IL1R1: variants seen among roughly 807,000 people sequenced by gnomAD.
IL1R1 encodes the protein interleukin 1 receptor type 1.
In IL1R1, 22 loss-of-function variants were observed where a neutral mutation model predicts 50.2. The ratio of observed to expected loss-of-function variants is 0.44; its 90% CI spans 0.31 to 0.63. The LOEUF is 0.63. IL1R1 is among the 20% of genes least tolerant of loss of function. The pLI is 0.07. For missense variants in IL1R1, 509 were observed against 676.2 expected, an observed-to-expected ratio of 0.75 and a Z score of 2.74; for synonymous variants, 251 against 236.7, an observed-to-expected ratio of 1.06 and a Z score of -0.55.
intron 1 of IL1R1, among the ~76,000 whole-genome samples, chr2:102,094,571 C>T (rs933493): frequency 0.75 from 114,190 of 152,108 alleles, 43,092 homozygotes; most frequent in Admixed American, 0.8. Flanking sequence ...AACTTTAGTA[C>T]GCTATAACTC....
intron 2 of IL1R1, among the ~76,000 whole-genome samples, chr2:102,154,816 T>C (rs1223249667): frequency 6.6e-6 from 1 of 152,196 alleles, no homozygotes; most frequent in African/African-American, 2.4e-5. Context: ...TCAGCAAACC[T>C]CTGCATGTTG....
intron 1 of IL1R1, among the ~76,000 whole-genome samples, chr2:102,125,327 C>T (rs1361534161): frequency 6.6e-6 from 1 of 152,218 alleles, no homozygotes; most frequent in Non-Finnish European, 1.5e-5. Flanking sequence ...GAAAATTCTT[C>T]ATCATATTTG....
In IL1R1 at chr2:102,177,809, A is replaced by G. The variant is rs890149309; in HGVS notation, c.*1050A>G. On this transcript the variant is annotated 3_prime_UTR_variant, in exon 12 of 12. Coordinates refer to ENST00000410023, the MANE Select transcript of IL1R1 (RefSeq NM_000877.4). ...TACGTCTTTGGAGGAACAGCTCCCT[A>G]GTGGCTTCCTCCGTCTGCAATGTCC... 4 of 152,400 alleles carry G rather than the reference A, an allele frequency of 2.6e-5. No individual in the cohort carries two copies. The highest frequency in any genetic ancestry group is 5.9e-5 in the Non-Finnish European group (4 of 68,136). 9.4% of individuals were successfully genotyped at this position (152,400 alleles called of 1,614,324 possible).
chr2:102,151,549 G>A (rs1253340154), intron 1 of IL1R1, among the ~76,000 whole-genome samples: 1 of 152,186 alleles, frequency 6.6e-6, no homozygotes, highest in African/African-American at 2.4e-5. Flanking sequence ...TGGGAGAGGG[G>A]AGGGTCTGCT....
intron 8 of IL1R1, 118 bp from the exon 9 acceptor site, chr2:102,172,568 AG>A: frequency 1.9e-6 from 2 of 1,066,214 alleles, no homozygotes; most frequent in Non-Finnish European, 2.6e-6. Context: ...GTGATTGGGC[AG>A]GGTGATTATT....
chr2:102,084,050 T>C (rs1402914388), intron 1 of IL1R1, among the ~76,000 whole-genome samples: 2 of 152,104 alleles, frequency 1.3e-5, no homozygotes, highest in African/African-American at 4.8e-5. Flanking sequence ...ATAGCGACTC[T>C]GAATCTCTTG....
At chr2:102,172,656 C>T (rs766152066) in intron 8 of IL1R1, 31 bp from the exon 9 acceptor site, 116 of 1,556,626 alleles carry the variant, frequency 7.5e-5, no homozygotes, top group Non-Finnish European at 9.8e-5. Flanking sequence ...AATTAACTTA[C>T]ACAAGTTTAT....
At position 102,151,900 on chromosome 2, in the gene IL1R1, G is replaced by A. The variant is rs1056788354; in HGVS notation, c.-83-2041G>A. 7.0e-4 allele frequency among the ~76,000 whole-genome samples: 107 copies of A among 152,174 alleles called. 1 individual carries two copies. The highest frequency in any genetic ancestry group is 9.2e-4 in the Admixed American group (14 of 15,282). On this transcript the variant is annotated intron_variant, in intron 1 of 11. Coordinates refer to ENST00000410023, the MANE Select transcript of IL1R1 (RefSeq NM_000877.4). ...ATAAACGGCAAGGTAGGGAGCCAGC[G>A]CTGGACACAGAGCCAGCTGAACAGT...
chr2:102,092,497 C>A lies in IL1R1; in HGVS notation c.-84+21964C>A, dbSNP rs927419817. On this transcript the variant is annotated intron_variant, in intron 1 of 11. Coordinates refer to the IL1R1 transcript ENST00000409929. Reference sequence around the variant, plus strand: ...GTCTTGAAACTCTTATTTTGATATTCATTTCCTGACCAACTATAGAAATCT... The same window carrying A: ...GTCTTGAAACTCTTATTTTGATATTAATTTCCTGACCAACTATAGAAATCT... Among the ~76,000 whole-genome samples, 5 of 152,120 alleles carry A rather than the reference C, an allele frequency of 3.3e-5. 1 individual carries two copies. Among genetic ancestry groups the A allele is most frequent in the African/African-American group, 1.2e-4 (5 of 41,404 alleles).
chr2:102,130,257 C>A (rs1681957404), intron 1 of IL1R1, among the ~76,000 whole-genome samples: 1 of 152,158 alleles, frequency 6.6e-6, no homozygotes, highest in Non-Finnish European at 1.5e-5. Context: ...ATCTCAGGAA[C>A]CTTTGAGAAC....
intron 1 of IL1R1, among the ~76,000 whole-genome samples, chr2:102,113,037 G>A (rs988014206): frequency 2.0e-5 from 3 of 152,186 alleles, no homozygotes; most frequent in African/African-American, 4.8e-5. Flanking sequence ...TGTCAGAACC[G>A]TGATCTTACA....
At chr2:102,163,260 T>G (rs1452573885) in intron 3 of IL1R1, among the ~76,000 whole-genome samples, 1 of 152,212 alleles carries the variant, frequency 6.6e-6, no homozygotes, top group African/African-American at 2.4e-5. Flanking sequence ...CATTGTGATA[T>G]GGGGGCCTAT....
intron 1 of IL1R1, among the ~76,000 whole-genome samples, chr2:102,116,274 G>A (rs1261419549): frequency 6.6e-6 from 1 of 152,176 alleles, no homozygotes; most frequent in African/African-American, 2.4e-5. Flanking sequence ...GTTCCCCCAC[G>A]TAATCTTGGC....
chr2:102,166,408 A>G, intron 6 of IL1R1, 127 bp downstream of exon 6: 1 of 617,330 alleles, frequency 1.6e-6, no homozygotes. Context: ...CACAAAAGTC[A>G]CATGGCTTTA....
chr2:102,083,366 C>T (rs1401695864), intron 1 of IL1R1, among the ~76,000 whole-genome samples: 2 of 152,044 alleles, frequency 1.3e-5, no homozygotes, highest in African/African-American at 4.8e-5. Flanking sequence ...TACCTTCTCC[C>T]CAGATGGATG....
At chr2:102,153,678 T>A (rs1266704545) in intron 1 of IL1R1, among the ~76,000 whole-genome samples, 2 of 152,304 alleles carry the variant, frequency 1.3e-5, no homozygotes, top group Admixed American at 6.5e-5. Context: ...TGTTTGGCAC[T>A]TCCCCCCTTG....
chr2:102,162,306 T>G (rs781203078), intron 3 of IL1R1, among the ~76,000 whole-genome samples: 1 of 152,216 alleles, frequency 6.6e-6, no homozygotes, highest in Non-Finnish European at 1.5e-5. Context: ...GTGTATGTGT[T>G]TATGTTAGGC....
At chr2:102,150,008 GGGT>G (rs1683515023) in intron 1 of IL1R1, among the ~76,000 whole-genome samples, 1 of 152,150 alleles carries the variant, frequency 6.6e-6, no homozygotes, top group Non-Finnish European at 1.5e-5. Flanking sequence ...ATACTATCTG[GGGT>G]GCGCCTGCTG....
chr2:102,073,972 G>C (rs1056853008), intron 1 of IL1R1, among the ~76,000 whole-genome samples: 3 of 152,102 alleles, frequency 2.0e-5, no homozygotes, highest in African/African-American at 7.2e-5. Flanking sequence ...CCAATCGAAC[G>C]TCTCAGTAGC....
Sources: allele counts gnomAD v4.1 joint callset (sites outside exome capture counted in the v4.1 genomes callset), GRCh38; gene constraint gnomAD v4.1.1; transcripts MANE v1.5; gene names NCBI Gene and HGNC (gene_info 2026-07-23, HGNC 2026-07-21).